Variants in FAM120B observed in about 807,000 individuals in gnomAD.
FAM120B encodes constitutive coactivator of peroxisome proliferator-activated receptor gamma.
Under a neutral mutation model 96.3 loss-of-function variants are expected in FAM120B, and 83 were observed. The observed-to-expected ratio is 0.86, with a 90% CI of 0.72 to 1.03. The LOEUF is 1.03. Ranked by LOEUF, FAM120B falls within the 50% of genes least tolerant of loss-of-function variation. The probability of loss-of-function intolerance (pLI) is 0.00; values close to 1 mark genes in which losing one functional copy is unlikely to be tolerated. For synonymous variants in FAM120B, 407 were observed against 402.7 expected, an observed-to-expected ratio of 1.01 and a Z score of -0.13; for missense variants, 1,027 against 1,121.2, an observed-to-expected ratio of 0.92 and a Z score of 1.20.
chr6:170,395,637 G>A (rs1372683283), intron 9 of FAM120B, 58 bp downstream of exon 9: 1 of 1,299,558 alleles, frequency 7.7e-7, no homozygotes, highest in African/African-American at 1.5e-5. Flanking sequence ...CTCTCACCTT[G>A]TGCTTTTGCT....
At chr6:170,337,723 C>T (rs562697887) in intron 4 of FAM120B, among the ~76,000 whole-genome samples, 4 of 151,262 alleles carry the variant, frequency 2.6e-5, no homozygotes, top group East Asian at 3.9e-4. Context: ...ATTATTGGTC[C>T]GTTCAGGGAT....
rs147205762 is a variant in FAM120B at position 170,368,824 on chromosome 6, G to GT, written c.2283+10506_2283+10507insT. Among the ~76,000 whole-genome samples, 6,701 of 112,560 alleles carry GT rather than the reference G, an allele frequency of 0.06. 898 individuals are homozygous for GT. In the East Asian group the frequency reaches 0.64, roughly 11 times the overall value. The allele number at this position is 112,560 out of a possible 152,430, so 73.8% of individuals were successfully genotyped here. On this transcript the variant is annotated intron_variant, in intron 6 of 10. Transcript: ENST00000476287. ...AGCTCTGCTGTCTGCCGGGGCTGGG[G>GT]GGGGGGCTCCCTCCTGGCTTGCAGG...
chr6:170,322,712 G>T (rs1785373402), intron 2 of FAM120B, among the ~76,000 whole-genome samples: 1 of 152,170 alleles, frequency 6.6e-6, no homozygotes, highest in South Asian at 2.1e-4. Context: ...TATGGCAATG[G>T]TGTGAAGGAT....
intron 6 of FAM120B, among the ~76,000 whole-genome samples, chr6:170,375,211 C>T (rs1002453402): frequency 3.3e-5 from 5 of 152,164 alleles, no homozygotes; most frequent in African/African-American, 4.8e-5. Context: ...CACAGAGTTC[C>T]GCAATTTCAG....
intron 4 of FAM120B, among the ~76,000 whole-genome samples, chr6:170,332,020 G>A (rs1324763191): frequency 1.3e-5 from 2 of 152,072 alleles, no homozygotes. Context: ...CATTTCCACA[G>A]CTATTGCTCT....
intron 4 of FAM120B, among the ~76,000 whole-genome samples, chr6:170,339,290 A>C (rs1786653884): frequency 6.6e-6 from 1 of 152,156 alleles, no homozygotes; most frequent in Non-Finnish European, 1.5e-5. Context: ...GCTGGATATG[A>C]AATTCTGAGT....
intron 5 of FAM120B, among the ~76,000 whole-genome samples, chr6:170,351,156 A>G (rs1000931830): frequency 6.6e-6 from 1 of 152,250 alleles, no homozygotes; most frequent in African/African-American, 2.4e-5. Context: ...CAGTGCAATT[A>G]CAAGTGTCAA....
At chr6:170,362,796 C>G (rs921206825) in intron 6 of FAM120B, among the ~76,000 whole-genome samples, 1 of 151,900 alleles carries the variant, frequency 6.6e-6, no homozygotes, top group Admixed American at 6.5e-5. Context: ...ATCCTCCCAC[C>G]TCAGCCTTCC....
chr6:170,355,357 A>G (rs1284163702), intron 5 of FAM120B, among the ~76,000 whole-genome samples: 1 of 152,238 alleles, frequency 6.6e-6, no homozygotes, highest in Non-Finnish European at 1.5e-5. Flanking sequence ...AAAATGTGGT[A>G]CATATACACC....
At chr6:170,366,085 A>C (rs2115226884) in intron 6 of FAM120B, among the ~76,000 whole-genome samples, 1 of 152,172 alleles carries the variant, frequency 6.6e-6, no homozygotes, top group East Asian at 1.9e-4. Context: ...CAAAATGTAG[A>C]CTCAGTGGCA....
In FAM120B at chr6:170,405,565, C is replaced by T. The variant is rs1033190605; in HGVS notation, c.*814C>T. The T allele has an allele frequency of 3.3e-5, 5 of 152,154 alleles. No homozygotes were observed. The highest frequency in any genetic ancestry group is 2.1e-4 in the South Asian group (1 of 4,820). The allele number at this position is 152,154 out of a possible 1,614,324, so 9.4% of individuals were successfully genotyped here. On this transcript the variant is annotated 3_prime_UTR_variant, in exon 11 of 11. Coordinates refer to ENST00000476287, the MANE Select transcript of FAM120B (RefSeq NM_032448.3). Reference sequence around the variant, plus strand: ...CAGACTTCAGTTGACCATGAGTAACCGAAACCACAGAAAGTGAAGCTGGGG... The same window carrying T: ...CAGACTTCAGTTGACCATGAGTAACTGAAACCACAGAAAGTGAAGCTGGGG...
At chr6:170,362,230 C>T (rs769751759) in intron 6 of FAM120B, among the ~76,000 whole-genome samples, 11 of 152,180 alleles carry the variant, frequency 7.2e-5, no homozygotes, top group Non-Finnish European at 1.3e-4. Flanking sequence ...AGGACATGAA[C>T]TCTGGCACCC....
intron 6 of FAM120B, among the ~76,000 whole-genome samples, chr6:170,376,533 G>A (rs191192370): frequency 1.3e-5 from 2 of 152,210 alleles, no homozygotes; most frequent in South Asian, 2.1e-4. Context: ...AGCAGAGAGC[G>A]CTGGCATGCG....
At chr6:170,378,390 A>G (rs1409554396) in intron 6 of FAM120B, among the ~76,000 whole-genome samples, 2 of 152,184 alleles carry the variant, frequency 1.3e-5, no homozygotes, top group African/African-American at 2.4e-5. Context: ...GCCACCCGCT[A>G]GAAGGATGTG....
At chr6:170,376,710 CAGTG>C (rs1428236002) in intron 6 of FAM120B, among the ~76,000 whole-genome samples, 1 of 152,166 alleles carries the variant, frequency 6.6e-6, no homozygotes, top group East Asian at 1.9e-4. Flanking sequence ...GCAGGAGAGA[CAGTG>C]AGATCATCTT....
At chr6:170,357,434 T>G (rs955899960) in intron 5 of FAM120B, among the ~76,000 whole-genome samples, 1 of 152,182 alleles carries the variant, frequency 6.6e-6, no homozygotes, top group African/African-American at 2.4e-5. Flanking sequence ...CAAGCAGTGT[T>G]CAGTCTGTCC....
At chr6:170,320,836 A>G (rs1427543970) in intron 2 of FAM120B, among the ~76,000 whole-genome samples, 2 of 152,092 alleles carry the variant, frequency 1.3e-5, no homozygotes, top group Non-Finnish European at 2.9e-5. Flanking sequence ...GGAGGGGATA[A>G]TCCCCACAAA....
chr6:170,347,990 GC>G (rs1787306487), intron 4 of FAM120B, among the ~76,000 whole-genome samples, 160 bp from the exon 5 acceptor site: 2 of 152,046 alleles, frequency 1.3e-5, no homozygotes, highest in Admixed American at 1.3e-4. Flanking sequence ...TTAGGTTTGG[GC>G]TTTTTAAAGA....
rs1256284068 is a variant in FAM120B at position 170,361,225 on chromosome 6, T to TACAC, written c.2283+2908_2283+2909insCACA. On this transcript the variant is annotated intron_variant, in intron 6 of 10. Coordinates refer to ENST00000476287, the MANE Select transcript of FAM120B (RefSeq NM_032448.3). ...ATATATATATATATATATATATATA[T>TACAC]ATATATATATACACGTATATATATA... 1.9e-3 allele frequency among the ~76,000 whole-genome samples: 233 copies of TACAC among 123,548 alleles called. 11 individuals carry two copies. The East Asian group carries it at 0.02, about 11-fold the overall frequency. 81.1% of individuals were successfully genotyped at this position (123,548 alleles called of 152,430 possible). A position where few individuals can be genotyped will look rare whatever the true frequency, so the allele number is the denominator to read the frequency against.
Sources: allele counts gnomAD v4.1 joint callset (sites outside exome capture counted in the v4.1 genomes callset), GRCh38; gene constraint gnomAD v4.1.1; transcripts MANE v1.5; gene names NCBI Gene and HGNC (gene_info 2026-07-23, HGNC 2026-07-21).